HYDIN: variants seen among roughly 807,000 people sequenced by gnomAD.
The protein encoded by HYDIN is HYDIN axonemal central pair apparatus protein, also known as axonemal central pair apparatus protein HYDIN.
HYDIN carries 132 observed loss-of-function variants against 403.9 expected under a neutral mutation model. The ratio of observed to expected loss-of-function variants is 0.33; its 90% CI spans 0.28 to 0.38. The LOEUF (loss-of-function observed/expected upper bound fraction) is 0.38, where lower values mean the gene tolerates loss of function less well. Among genes scored for constraint, HYDIN ranks in the 10% least tolerant of loss-of-function variants. The pLI, the probability that HYDIN is intolerant of heterozygous loss-of-function variation, is 1.00. For synonymous variants in HYDIN, 1,202 were observed against 1,891.7 expected (o/e 0.64, Z 9.46); for missense variants, 2,827 against 5,009.5 (o/e 0.56, Z 13.15).
In HYDIN at chr16:71,216,105, C is replaced by T. The variant is rs114143092; in HGVS notation, c.-24+14457G>A. ...AAGATACGTATGTTCTATGACCCAGCAGTTTTACCCTGGTAGACAGTCCAG... is the reference window on the plus strand; with the variant it reads ...AAGATACGTATGTTCTATGACCCAGTAGTTTTACCCTGGTAGACAGTCCAG... On this transcript the variant is annotated intron_variant, in intron 1 of 85. Transcript: ENST00000393567. Among the ~76,000 whole-genome samples, 266 of 152,248 alleles carry T rather than the reference C, an allele frequency of 1.7e-3. 3 individuals are homozygous for T. The highest frequency in any genetic ancestry group is 6.8e-3 in the Middle Eastern group (2 of 294).
At chr16:70,832,785 T>G (rs1275715314) in intron 80 of HYDIN, 63 bp downstream of exon 80, 1 of 1,390,342 alleles carries the variant, frequency 7.2e-7, no homozygotes, top group Non-Finnish European at 1.0e-6. Context: ...GAAGGAGGCC[T>G]GGCTGAGTTC....
chr16:70,985,194 C>T lies in HYDIN; in HGVS notation c.4323G>A (p.Leu1441=), dbSNP rs781709661. 13 of 1,610,044 alleles carry T rather than the reference C, an allele frequency of 8.1e-6. No homozygotes were observed. In the East Asian group the frequency reaches 2.5e-4, roughly 30 times the overall value. Residue 1441 remains leucine (L), a synonymous_variant, in exon 28 of 86, where the codon CTG becomes CTA. Coordinates refer to ENST00000393567, the MANE Select transcript of HYDIN (RefSeq NM_001270974.2). ...CCCACCATTTACTTACAGACACAGG[C>T]AGGATTAGTGGCACTCCAGGGAGAA... The part of the protein sequence containing the change: ...DNLLPGVPLI[L]PVSGFISSHQ...
At chr16:71,188,593 C>T (rs114999777) in intron 1 of HYDIN, among the ~76,000 whole-genome samples, 1 of 151,984 alleles carries the variant, frequency 6.6e-6, no homozygotes, top group African/African-American at 2.4e-5. Flanking sequence ...TATCTATGCA[C>T]CAAAATAGCA....
chr16:71,084,254 T>C (rs887289578), intron 12 of HYDIN, among the ~76,000 whole-genome samples: 6 of 151,636 alleles, frequency 4.0e-5, no homozygotes, highest in South Asian at 4.2e-4. Context: ...GTATCCCCTT[T>C]GAAGCACAAA....
chr16:71,200,914 C>G (rs560462370), intron 1 of HYDIN, among the ~76,000 whole-genome samples: 40 of 152,262 alleles, frequency 2.6e-4, no homozygotes, highest in Admixed American at 1.6e-3. Context: ...CCAATTGGTA[C>G]ACTCTCTCCC....
chr16:70,984,430 C>A, intron 28 of HYDIN, among the ~76,000 whole-genome samples: 12 of 107,966 alleles, frequency 1.1e-4, no homozygotes, highest in South Asian at 3.1e-4. Flanking sequence ...TTAGCTAAGA[C>A]AAATTGGGAA....
Position 70,879,702 on chromosome 16 carries a change from C to A in HYDIN, c.10270G>T (p.Ala3424Ser), listed in dbSNP as rs1401330317. 7.0e-7 allele frequency: 1 copy of A among 1,429,772 alleles called. No individual in the cohort carries two copies. Among genetic ancestry groups the A allele is most frequent in the South Asian group, 1.2e-5 (1 of 86,770 alleles). 88.6% of individuals were successfully genotyped at this position (1,429,772 alleles called of 1,614,324 possible). The change falls in exon 61 of 86, where the codon GCC becomes TCC. Residue 3424 changes from alanine (A) to serine (S), a missense_variant. Coordinates refer to ENST00000393567, the MANE Select transcript of HYDIN (RefSeq NM_001270974.2). Reference protein sequence around the residue: ...FEVEPSKMCIASHSHAFATVS... With the variant: ...FEVEPSKMCISSHSHAFATVS... The stretch of plus-strand genomic sequence containing the variant: ...GTGGCAAAGGCATGGGAATGACTGG[C>A]AATGCACATCTTGCTGGGTTCCACT...
In HYDIN at chr16:70,818,590, G is replaced by C. The variant is rs548765792; in HGVS notation, c.14428-18C>G. On this transcript the variant is annotated intron_variant, in intron 83 of 85. Coordinates refer to ENST00000393567, the MANE Select transcript of HYDIN (RefSeq NM_001270974.2). ...AAGATCACCTGCATTCACGGGGAGA[G>C]AGGGAGGAAGGAGGGAAGAGTAGGG... 1.6e-5 allele frequency: 13 copies of C among 815,752 alleles called. No individual in the cohort carries two copies. The highest frequency in any genetic ancestry group is 2.4e-5 in the Non-Finnish European group (12 of 495,908). 50.5% of individuals were successfully genotyped at this position (815,752 alleles called of 1,614,324 possible).
At chr16:70,840,525 C>T (rs887480849) in intron 75 of HYDIN, among the ~76,000 whole-genome samples, 8 of 152,204 alleles carry the variant, frequency 5.3e-5, no homozygotes, top group Non-Finnish European at 1.2e-4. Context: ...CTCCCCATGG[C>T]TTCCTTCCTA....
In HYDIN at chr16:70,889,630, T is replaced by C; in HGVS notation, c.9731A>G (p.Lys3244Arg). 4.7e-6 allele frequency: 3 copies of C among 640,462 alleles called. No individual in the cohort carries two copies. In the South Asian group the frequency reaches 5.4e-5, roughly 11 times the overall value. 39.7% of individuals were successfully genotyped at this position (640,462 alleles called of 1,614,324 possible). The change falls in exon 58 of 86, where the codon AAG becomes AGG. Residue 3244 changes from lysine (K) to arginine (R), a missense_variant. Physicochemically the swap from Lys to Arg is conservative, Grantham distance 26. Coordinates refer to ENST00000393567, the MANE Select transcript of HYDIN (RefSeq NM_001270974.2). ...TTCTTTCTGAATCGTGTCAGAGAACTTGGCTGCTCTGGAAGAGCCAGTTTT... is the reference window on the plus strand; with the variant it reads ...TTCTTTCTGAATCGTGTCAGAGAACCTGGCTGCTCTGGAAGAGCCAGTTTT... ...FYKTGSSRAA[K>R]FSDTIQKEVT...
At chr16:71,229,473 T>G (rs928805057) in intron 1 of HYDIN, among the ~76,000 whole-genome samples, 4 of 152,134 alleles carry the variant, frequency 2.6e-5, no homozygotes, top group African/African-American at 4.8e-5. Context: ...TTTATAACAG[T>G]TTTACTTATT....
chr16:70,820,036 G>A (rs2036134010), intron 83 of HYDIN, among the ~76,000 whole-genome samples: 1 of 143,052 alleles, frequency 7.0e-6, no homozygotes, highest in African/African-American at 2.6e-5. Flanking sequence ...TAGTCAGGAT[G>A]GTCTCAATCT....
At chr16:71,163,793 C>A (rs2086113201) in intron 5 of HYDIN, among the ~76,000 whole-genome samples, 1 of 152,234 alleles carries the variant, frequency 6.6e-6, no homozygotes, top group African/African-American at 2.4e-5. Flanking sequence ...AACCACCCAG[C>A]TGAACCACAG....
intron 35 of HYDIN, 102 bp from the exon 36 acceptor site, chr16:70,970,861 A>G (rs980536308): frequency 2.2e-5 from 25 of 1,130,716 alleles, no homozygotes; most frequent in Admixed American, 4.9e-5. Context: ...ATTTAGATTA[A>G]GGGAGAAAAC....
intron 73 of HYDIN, among the ~76,000 whole-genome samples, chr16:70,851,386 A>G (rs2143581983): frequency 6.6e-6 from 1 of 151,942 alleles, no homozygotes; most frequent in South Asian, 2.1e-4. Context: ...CAAGCAAAAA[A>G]CAAGTAACGC....
chr16:70,818,589 A>C lies in HYDIN; in HGVS notation c.14428-17T>G, dbSNP rs1395393264. 1.2e-6 allele frequency: 1 copy of C among 813,372 alleles called. No individual in the cohort carries two copies. Among genetic ancestry groups the C allele is most frequent in the African/African-American group, 1.8e-5 (1 of 56,072 alleles). The allele number at this position is 813,372 out of a possible 1,614,324, so 50.4% of individuals were successfully genotyped here. A position where few individuals can be genotyped will look rare whatever the true frequency, so the allele number is the denominator to read the frequency against. On this transcript the variant is annotated splice_polypyrimidine_tract_variant and intron_variant, in intron 83 of 85. Coordinates refer to ENST00000393567, the MANE Select transcript of HYDIN (RefSeq NM_001270974.2). ...GAAGATCACCTGCATTCACGGGGAG[A>C]GAGGGAGGAAGGAGGGAAGAGTAGG...
At chr16:71,121,853 G>A (rs1377643358) in intron 9 of HYDIN, among the ~76,000 whole-genome samples, 1 of 152,004 alleles carries the variant, frequency 6.6e-6, no homozygotes, top group Non-Finnish European at 1.5e-5. Flanking sequence ...AAGAGGAACA[G>A]AAAAATAGAA....
chr16:71,174,030 A>C (rs1239772456), intron 5 of HYDIN, among the ~76,000 whole-genome samples: 3 of 152,210 alleles, frequency 2.0e-5, no homozygotes, highest in African/African-American at 7.2e-5. Flanking sequence ...CCCCACAGAC[A>C]ATATTCAGAT....
At chr16:70,902,821 A>ATTTTTTTT (rs60618592) in intron 52 of HYDIN, among the ~76,000 whole-genome samples, 6 of 47,312 alleles carry the variant, frequency 1.3e-4, no homozygotes, top group Admixed American at 7.6e-4. Context: ...ATATATATAT[A>ATTTTTTTT]TTTTTTTTTT....
Sources: gnomAD v4.1 joint callset for allele counts (sites outside exome capture counted in the v4.1 genomes callset) on GRCh38, gnomAD v4.1.1 for gene constraint, MANE v1.5 for transcripts, NCBI Gene and HGNC (gene_info 2026-07-23, HGNC 2026-07-21) for gene names.